ATAD5: variants seen among roughly 807,000 people sequenced by gnomAD.
ATAD5 encodes ATPase family AAA domain-containing protein 5.
In ATAD5, 58 loss-of-function variants were observed where a neutral mutation model predicts 176.9. The observed-to-expected ratio is 0.33, with a 90% confidence interval of 0.27 to 0.41. The LOEUF (loss-of-function observed/expected upper bound fraction) is 0.41. ATAD5 is among the 10% of genes least tolerant of loss of function. ATAD5 has a pLI of 1.00. For missense variants in ATAD5, 1,789 were observed against 2,094.1 expected (o/e 0.85, Z 2.84); for synonymous variants, 640 against 712.6 (o/e 0.90, Z 1.62).
At chr17:30,833,862 A>G (rs1905526584) in intron 1 of ATAD5, among the ~76,000 whole-genome samples, 1 of 152,064 alleles carries the variant, frequency 6.6e-6, no homozygotes, top group Non-Finnish European at 1.5e-5. Flanking sequence ...TTGTATTTTT[A>G]GTAGAGACAG....
At chr17:30,842,100 C>T (rs1233693256) in intron 4 of ATAD5, among the ~76,000 whole-genome samples, 1 of 152,052 alleles carries the variant, frequency 6.6e-6, no homozygotes, top group Non-Finnish European at 1.5e-5. Context: ...GAAACCCCGT[C>T]TTTACTAAAA....
At chr17:30,884,424 CTTTTTTTTTTTT>C (rs61664127) in intron 18 of ATAD5, among the ~76,000 whole-genome samples, 39 of 80,968 alleles carry the variant, frequency 4.8e-4, no homozygotes, top group African/African-American at 2.4e-3. Flanking sequence ...CTTTTCTTTT[CTTTTTTTTTTTT>C]TTTTTTTTTT....
At chr17:30,866,913 A>G (rs910718571) in intron 11 of ATAD5, among the ~76,000 whole-genome samples, 2 of 152,216 alleles carry the variant, frequency 1.3e-5, no homozygotes, top group African/African-American at 2.4e-5. Context: ...TATATGTACC[A>G]AATAACCTTT....
chr17:30,856,307 T>C (rs1275293263), intron 7 of ATAD5, among the ~76,000 whole-genome samples: 1 of 152,198 alleles, frequency 6.6e-6, no homozygotes. Flanking sequence ...TCACTTTGAA[T>C]GTAAGGATGA....
chr17:30,884,419 CTTTTCTTTTTTT>C (rs1210902333), intron 18 of ATAD5, among the ~76,000 whole-genome samples: 2 of 117,676 alleles, frequency 1.7e-5, no homozygotes, highest in Non-Finnish European at 3.4e-5. Context: ...TATTTCTTTT[CTTTTCTTTTTTT>C]TTTTTTTTTT....
Position 30,895,099 on chromosome 17 carries a change from A to T in ATAD5, c.*186A>T, listed in dbSNP as rs1909839100. On this transcript the variant is annotated 3_prime_UTR_variant, in exon 23 of 23. Transcript: ENST00000321990. The stretch of plus-strand genomic sequence containing the variant: ...GTTACAAATTTTATATATGATTGTA[A>T]TTTTTTTTCTGAATTTTTTGTATTA... 1 of 443,344 alleles carries T rather than the reference A, an allele frequency of 2.3e-6. No individual in the cohort carries two copies. 27.5% of individuals were successfully genotyped at this position (443,344 alleles called of 1,614,324 possible).
chr17:30,887,103 TTG>T (rs1457296609), intron 18 of ATAD5, 87 bp from the exon 19 acceptor site: 2 of 1,175,614 alleles, frequency 1.7e-6, no homozygotes, highest in African/African-American at 3.2e-5. Flanking sequence ...TTAGCAAAAT[TTG>T]TCTCACTTTT....
rs1201979212 is a variant in ATAD5 at position 30,869,304 on chromosome 17, C to T, written c.3370C>T (p.Leu1124Phe). Residue 1124 changes from leucine (L) to phenylalanine (F), a missense_variant, in exon 13 of 23, where the codon CTT (leucine) becomes TTT (phenylalanine). By Grantham distance (22) the Leu-to-Phe change is conservative. Around this residue, in one of 6 missense-constraint regions of ATAD5, gnomAD observed 487 missense variants for 573.6 expected, o/e 0.85. Coordinates refer to ENST00000321990, the MANE Select transcript of ATAD5 (RefSeq NM_024857.5). ...GSSDDEEESR[L>F]CNTVLITGPT... ...TTCAGATGATGAAGAAGAGAGTCGT[C>T]TTTGCAATACTGTCCTTATAACAGG... 6.2e-7 allele frequency: 1 copy of T among 1,613,756 alleles called. No individual in the cohort carries two copies. The highest frequency in any genetic ancestry group is 2.2e-5 in the East Asian group (1 of 44,888).
At chr17:30,858,703 T>TA (rs1907440360) in intron 9 of ATAD5, among the ~76,000 whole-genome samples, 1 of 151,124 alleles carries the variant, frequency 6.6e-6, no homozygotes, top group African/African-American at 2.4e-5. Context: ...TCTTTTTTTT[T>TA]AGAGTGTTGC....
At position 30,837,238 on chromosome 17, in the gene ATAD5, A is replaced by T. The variant is rs2071037285; in HGVS notation, c.2000A>T (p.Lys667Ile). ...MKFTRISTPK[K>I]SKKKSNKRSE... ...TTCACCAGAATTAGTACTCCCAAAA[A>T]ATCTAAGAAAAAATCTAACAAAAGA... Residue 667 changes from lysine (K) to isoleucine (I), a missense_variant, in exon 3 of 23, where the codon AAA (lysine) becomes ATA (isoleucine). Lys to Ile is a moderately radical substitution (Grantham distance 102). This residue lies in a region of ATAD5 where 487 missense variants were observed against 573.6 expected (regional missense o/e 0.85). Coordinates refer to ENST00000321990, the MANE Select transcript of ATAD5 (RefSeq NM_024857.5). 6.4e-7 allele frequency: 1 copy of T among 1,573,352 alleles called. No individual in the cohort carries two copies. The highest frequency in any genetic ancestry group is 1.4e-5 in the African/African-American group (1 of 72,646).
At position 30,879,464 on chromosome 17, in the gene ATAD5, A is replaced by C; in HGVS notation, c.4054A>C (p.Ile1352Leu). ...SLMFDGCFEEIKFSTPSLLNV... is the reference protein window; with the variant it reads ...SLMFDGCFEELKFSTPSLLNV... ...AATGTTTGATGGCTGCTTTGAAGAA[A>C]TCAAGTTCAGTACTCCTTCCCTGGT... The change falls in exon 18 of 23, where the codon ATC becomes CTC. Residue 1352 changes from isoleucine (I) to leucine (L), a missense_variant. Ile to Leu is a conservative substitution (Grantham distance 5, BLOSUM62 2). This residue lies in a region of ATAD5 where 194 missense variants were observed against 270.1 expected (regional missense o/e 0.72). Coordinates refer to ENST00000321990, the MANE Select transcript of ATAD5 (RefSeq NM_024857.5). 6.3e-7 allele frequency: 1 copy of C among 1,591,970 alleles called. No homozygotes were observed. Among genetic ancestry groups the C allele is most frequent in the Middle Eastern group, 1.7e-4 (1 of 5,992 alleles).
At position 30,858,333 on chromosome 17, in the gene ATAD5, A is replaced by G. The variant is rs770586146; in HGVS notation, c.2956+10A>G. ...TGTCATAGTAAACAAGGTTAGTGAT[A>G]ATTATTATCATTTATGTTAACATAC... On this transcript the variant is annotated intron_variant, in intron 9 of 22. Transcript: ENST00000321990. The G allele has an allele frequency of 7.0e-7, 1 of 1,438,018 alleles. No homozygotes were observed. Among genetic ancestry groups the G allele is most frequent in the Non-Finnish European group, 9.2e-7 (1 of 1,088,128 alleles). 89.1% of individuals were successfully genotyped at this position (1,438,018 alleles called of 1,614,324 possible). A position where few individuals can be genotyped will look rare whatever the true frequency, so the allele number is the denominator to read the frequency against.
Position 30,890,135 on chromosome 17 carries a change from C to T in ATAD5, c.4259-2472C>T, listed in dbSNP as rs887734688. ...AACTCCTGGGCTCAAGTGATCCGCC[C>T]CTCTTGGGCTCCCAAAGTGCTGGGA... On this transcript the variant is annotated intron_variant, in intron 19 of 22. Transcript: ENST00000321990. Among the ~76,000 whole-genome samples, 3 of 151,838 alleles carry T rather than the reference C, an allele frequency of 2.0e-5. No homozygotes were observed. The South Asian group carries it at 6.2e-4, about 32-fold the overall frequency.
chr17:30,890,025 G>C (rs1467562980), intron 19 of ATAD5, among the ~76,000 whole-genome samples: 1 of 151,280 alleles, frequency 6.6e-6, no homozygotes, highest in Non-Finnish European at 1.5e-5. Context: ...TGAGTAGCTG[G>C]AACCACAGGC....
intron 3 of ATAD5, among the ~76,000 whole-genome samples, chr17:30,837,898 G>C (rs1389767535): frequency 6.6e-6 from 1 of 152,146 alleles, no homozygotes; most frequent in African/African-American, 2.4e-5. Flanking sequence ...ACTGCCTATA[G>C]GTCATGATTG....
chr17:30,878,446 T>C (rs867334248), intron 17 of ATAD5, among the ~76,000 whole-genome samples: 2 of 152,084 alleles, frequency 1.3e-5, no homozygotes, highest in Non-Finnish European at 2.9e-5. Flanking sequence ...CTTTTGCCCC[T>C]GATAACACTT....
intron 6 of ATAD5, among the ~76,000 whole-genome samples, chr17:30,849,805 A>G (rs1906759580): frequency 6.6e-6 from 1 of 152,230 alleles, no homozygotes; most frequent in Admixed American, 6.5e-5. Context: ...CATTTAAAAG[A>G]CACAAAGAAC....
intron 11 of ATAD5, 64 bp downstream of exon 11, chr17:30,865,864 G>T: frequency 9.2e-7 from 1 of 1,092,394 alleles, no homozygotes; most frequent in Non-Finnish European, 1.3e-6. Flanking sequence ...TTTTTGTTTC[G>T]AAATTGTAGT....
Position 30,834,855 on chromosome 17 carries a change from A to C in ATAD5, c.774A>C (p.Leu258Phe). Residue 258 changes from leucine to phenylalanine, a missense_variant, in exon 2 of 23, where the codon TTA (leucine) becomes TTC (phenylalanine). Physicochemically the swap from Leu to Phe is conservative, Grantham distance 22 (BLOSUM62 0). This residue lies in a region of ATAD5 where 696 missense variants were observed against 712.5 expected (regional missense o/e 0.98). Coordinates refer to ENST00000321990, the MANE Select transcript of ATAD5 (RefSeq NM_024857.5). ...SRDNVTEAAQ[L>F]NDSIITVSYE... ...ATAACGTAACTGAAGCAGCCCAGTT[A>C]AATGATAGTATAATAACTGTCTCAT... 1.2e-6 allele frequency: 2 copies of C among 1,613,598 alleles called. No individual in the cohort carries two copies. The highest frequency in any genetic ancestry group is 1.1e-5 in the South Asian group (1 of 90,920).
Sources: allele counts gnomAD v4.1 joint callset (sites outside exome capture counted in the v4.1 genomes callset), GRCh38; gene constraint gnomAD v4.1.1; regional missense constraint gnomAD v4.1.1; transcripts MANE v1.5; gene names NCBI Gene and HGNC (gene_info 2026-07-23, HGNC 2026-07-21).